Variants in PPARGC1B observed in about 807,000 individuals in gnomAD.
The protein encoded by PPARGC1B is PPARG coactivator 1 beta, also known as peroxisome proliferator-activated receptor gamma coactivator 1-beta.
In PPARGC1B, 34 loss-of-function variants were observed where a neutral mutation model predicts 101.6. The ratio of observed to expected loss-of-function variants is 0.33; its 90% CI spans 0.25 to 0.45. PPARGC1B has a LOEUF of 0.45. Among genes scored for constraint, PPARGC1B ranks in the 20% least tolerant of loss-of-function variants. The probability of loss-of-function intolerance (pLI) is 1.00; values close to 1 mark genes in which losing one functional copy is unlikely to be tolerated. For missense variants in PPARGC1B, 1,234 were observed against 1,317.6 expected (o/e 0.94, Z 0.98); for synonymous variants, 548 against 539.3 (o/e 1.02, Z -0.22).
rs112574216 is a variant in PPARGC1B, at chr5:149,770,670, CA to C, written c.78+40263del. 4.7e-3 allele frequency among the ~76,000 whole-genome samples: 661 copies of C among 141,042 alleles called. 3 individuals are homozygous for C. Among genetic ancestry groups the C allele is most frequent in the Middle Eastern group, 0.014 (4 of 276 alleles). The allele number at this position is 141,042 out of a possible 152,430, so 92.5% of individuals were successfully genotyped here. A position where few individuals can be genotyped will look rare whatever the true frequency, so the allele number is the denominator to read the frequency against. On this transcript the variant is annotated intron_variant, in intron 1 of 11. Coordinates refer to ENST00000309241, the MANE Select transcript of PPARGC1B (RefSeq NM_133263.4). ...CAGCATAGTGAGACCCTGTCTCTAC[CA>C]AAAAAAAAAAAATCTGCTGAGTGTG...
intron 1 of PPARGC1B, among the ~76,000 whole-genome samples, chr5:149,808,214 A>G (rs1757672976): frequency 6.6e-6 from 1 of 152,174 alleles, no homozygotes; most frequent in Admixed American, 6.5e-5. Context: ...GCATTAAAAT[A>G]TGATCTACCT....
intron 1 of PPARGC1B, among the ~76,000 whole-genome samples, chr5:149,809,767 A>G (rs1281207835): frequency 1.3e-5 from 2 of 151,988 alleles, no homozygotes; most frequent in East Asian, 1.9e-4. Flanking sequence ...ACATACTGAT[A>G]AAAGGAGGCA....
At chr5:149,738,322 A>G (rs1754799290) in intron 1 of PPARGC1B, among the ~76,000 whole-genome samples, 1 of 152,062 alleles carries the variant, frequency 6.6e-6, no homozygotes, top group South Asian at 2.1e-4. Flanking sequence ...CATTTCACCC[A>G]CCTTTTGTTT....
At position 149,853,694 on chromosome 5, in the gene PPARGC1B, GT is replaced by G. The variant is rs1210588541; in HGVS notation, c.*6141del. The G allele has an allele frequency of 6.6e-6, 1 of 152,186 alleles. No individual in the cohort carries two copies. The highest frequency in any genetic ancestry group is 1.5e-5 in the Non-Finnish European group (1 of 68,022). 9.4% of individuals were successfully genotyped at this position (152,186 alleles called of 1,614,324 possible). A position where few individuals can be genotyped will look rare whatever the true frequency, so the allele number is the denominator to read the frequency against. On this transcript the variant is annotated 3_prime_UTR_variant, in exon 12 of 12. Coordinates refer to ENST00000309241, the MANE Select transcript of PPARGC1B (RefSeq NM_133263.4). This position sits in a 1 kb window ranked among gnomAD's most constrained non-coding sequence, Gnocchi z 4.2. ...TTGTATTTTTAAAATCTTGTCAAAT[GT>G]TTTTGTGTTAGGAATAAAAAGTCAT...
intron 1 of PPARGC1B, among the ~76,000 whole-genome samples, chr5:149,746,619 G>A (rs764843802): frequency 6.6e-6 from 1 of 152,268 alleles, no homozygotes; most frequent in Non-Finnish European, 1.5e-5. Context: ...TATGCCCAGA[G>A]GTGGAATTGC....
intron 1 of PPARGC1B, among the ~76,000 whole-genome samples, chr5:149,776,787 C>A (rs751580870): frequency 6.6e-6 from 1 of 152,224 alleles, no homozygotes; most frequent in East Asian, 1.9e-4. Flanking sequence ...GGGCTTCAGA[C>A]AAGTTTGAGC....
intron 3 of PPARGC1B, among the ~76,000 whole-genome samples, chr5:149,829,718 G>C (rs1758668212): frequency 6.6e-6 from 1 of 150,910 alleles, no homozygotes; most frequent in Non-Finnish European, 1.5e-5. Flanking sequence ...ACAAGCTTAA[G>C]TGTAGTCTTC....
intron 2 of PPARGC1B, among the ~76,000 whole-genome samples, chr5:149,824,504 G>A (rs187516615): frequency 1.2e-4 from 19 of 152,314 alleles, no homozygotes; most frequent in African/African-American, 4.1e-4. Flanking sequence ...AGGGAGGAAG[G>A]CTGGCCAGGG....
rs1265481702 is a variant in PPARGC1B, at chr5:149,836,855, C to T, written c.2400C>T (p.Gly800=). The part of the protein sequence containing the change: ...TVFEDSSSSS[G]ESSFLPEEEE... ...TTGAAGACAGCAGCAGCAGCAGCGG[C>T]GAGAGCAGCTTCCTCCCAGAGGAGG... is the stretch of plus-strand genomic sequence containing the variant. Residue 800 remains glycine, a synonymous_variant, in exon 8 of 12, where the codon GGC becomes GGT. Coordinates refer to ENST00000309241, the MANE Select transcript of PPARGC1B (RefSeq NM_133263.4). The T allele has an allele frequency of 5.6e-6, 9 of 1,613,012 alleles. No homozygotes were observed. Among genetic ancestry groups the T allele is most frequent in the East Asian group, 4.5e-5 (2 of 44,874 alleles).
At chr5:149,826,417 G>A (rs1267619518) in intron 2 of PPARGC1B, among the ~76,000 whole-genome samples, 1 of 152,180 alleles carries the variant, frequency 6.6e-6, no homozygotes, top group African/African-American at 2.4e-5. Flanking sequence ...CCCAGGCAGG[G>A]CCCTTTCCAT....
chr5:149,792,738 TATTCATTCATTC>T (rs373254833), intron 1 of PPARGC1B, among the ~76,000 whole-genome samples: 5 of 151,984 alleles, frequency 3.3e-5, no homozygotes, highest in Non-Finnish European at 7.4e-5. Context: ...TCCGTAGTTG[TATTCATTCATTC>T]ATTCATTCAT....
chr5:149,769,650 C>G (rs1054705738), intron 1 of PPARGC1B, among the ~76,000 whole-genome samples: 9 of 152,226 alleles, frequency 5.9e-5, no homozygotes, highest in African/African-American at 2.2e-4. Context: ...AGTGCCTTAA[C>G]ACAGATCTTG....
At chr5:149,787,471 A>T (rs1192555443) in intron 1 of PPARGC1B, among the ~76,000 whole-genome samples, 1 of 152,234 alleles carries the variant, frequency 6.6e-6, no homozygotes, top group East Asian at 1.9e-4. Context: ...GGGATTTTAA[A>T]ATGTGATTAG....
At chr5:149,798,641 G>C (rs1156705984) in intron 1 of PPARGC1B, among the ~76,000 whole-genome samples, 1 of 152,214 alleles carries the variant, frequency 6.6e-6, no homozygotes, top group African/African-American at 2.4e-5. Flanking sequence ...CCAGCCAATG[G>C]AGTTCTAGTT....
At chr5:149,746,348 C>T (rs967533106) in intron 1 of PPARGC1B, among the ~76,000 whole-genome samples, 2 of 152,186 alleles carry the variant, frequency 1.3e-5, no homozygotes, top group African/African-American at 4.8e-5. Flanking sequence ...CAAGTGGGAT[C>T]ACAGTATTTG....
At chr5:149,797,686 C>T (rs1005693189) in intron 1 of PPARGC1B, among the ~76,000 whole-genome samples, 7 of 152,126 alleles carry the variant, frequency 4.6e-5, no homozygotes, top group African/African-American at 1.7e-4. Flanking sequence ...CTTGGGAGGC[C>T]GAGGCGGGTG....
intron 1 of PPARGC1B, among the ~76,000 whole-genome samples, chr5:149,748,243 T>G (rs762416956): frequency 6.6e-6 from 1 of 152,054 alleles, no homozygotes; most frequent in Non-Finnish European, 1.5e-5. Flanking sequence ...ATGGTACTTA[T>G]TCTGCCTGGG....
At chr5:149,755,624 A>G (rs1488752524) in intron 1 of PPARGC1B, among the ~76,000 whole-genome samples, 1 of 139,906 alleles carries the variant, frequency 7.1e-6, no homozygotes, top group Non-Finnish European at 1.5e-5. Flanking sequence ...TGTTATTATT[A>G]TTATTATTAT....
In PPARGC1B at chr5:149,824,072, C is replaced by A. The variant is rs144918347; in HGVS notation, c.253-2601C>A. Among the ~76,000 whole-genome samples, 622 of 152,276 alleles carry A rather than the reference C, an allele frequency of 4.1e-3. 4 individuals carry two copies. Among genetic ancestry groups the A allele is most frequent in the African/African-American group, 0.014 (601 of 41,554 alleles). Reference sequence around the variant, plus strand: ...ATTGATTGGCAGTTGTCACCTGAAGCCCTGCATCAGGGAAAATGCTGGCAT... The same window carrying A: ...ATTGATTGGCAGTTGTCACCTGAAGACCTGCATCAGGGAAAATGCTGGCAT... On this transcript the variant is annotated intron_variant, in intron 2 of 11. Coordinates refer to ENST00000309241, the MANE Select transcript of PPARGC1B (RefSeq NM_133263.4).
Sources: allele counts gnomAD v4.1 joint callset (sites outside exome capture counted in the v4.1 genomes callset), GRCh38; gene constraint gnomAD v4.1.1; non-coding constraint Gnocchi (gnomAD v3.1); transcripts MANE v1.5; gene names NCBI Gene and HGNC (gene_info 2026-07-23, HGNC 2026-07-21).